Variants in TPTE2 observed in about 807,000 individuals in gnomAD.
The protein encoded by TPTE2 is phosphatidylinositol 3,4,5-trisphosphate 3-phosphatase TPTE2.
Under a neutral mutation model 78.6 loss-of-function variants are expected in TPTE2, and 53 were observed. That is an observed-to-expected ratio of 0.67 (90% CI 0.54 to 0.85). The LOEUF is 0.85. TPTE2 is among the 40% of genes least tolerant of loss of function. The pLI is 0.00. For synonymous variants in TPTE2, 175 were observed against 206.2 expected (o/e 0.85, Z 1.30); for missense variants, 461 against 623.0 (o/e 0.74, Z 2.77).
chr13:19,535,696 A>C lies in TPTE2; in HGVS notation c.-44+900T>G. 6.6e-6 allele frequency among the ~76,000 whole-genome samples: 1 copy of C among 151,550 alleles called. No homozygotes were observed. The highest frequency in any genetic ancestry group is 2.4e-5 in the African/African-American group (1 of 41,182). ...CACCAGGCTGGAGTGCAATGGTGTGACCTCAGCTCACTGCAACTTCCACCT... is the reference window on the plus strand; with the variant it reads ...CACCAGGCTGGAGTGCAATGGTGTGCCCTCAGCTCACTGCAACTTCCACCT... On this transcript the variant is annotated intron_variant, in intron 1 of 17. Transcript: ENST00000390680. The surrounding 1 kb of genome is among the most constrained non-coding windows in gnomAD (Gnocchi z 5.1).
intron 3 of TPTE2, among the ~76,000 whole-genome samples, chr13:19,483,624 T>C (rs1315600433): frequency 6.6e-6 from 1 of 152,192 alleles, no homozygotes; most frequent in African/African-American, 2.4e-5. Context: ...TTGCCTCAAA[T>C]CTGTTTATTT....
intron 5 of TPTE2, among the ~76,000 whole-genome samples, chr13:19,475,340 C>T (rs1210584366): frequency 2.6e-5 from 4 of 152,026 alleles, no homozygotes; most frequent in Non-Finnish European, 5.9e-5. Context: ...ATTCTTCTGC[C>T]TCAGCCTCCT....
chr13:19,461,226 C>T (rs1878866647), intron 10 of TPTE2, among the ~76,000 whole-genome samples: 1 of 152,236 alleles, frequency 6.6e-6, no homozygotes, highest in South Asian at 2.1e-4. Context: ...TGGGGCCATT[C>T]AGCCAAGTCA....
intron 3 of TPTE2, among the ~76,000 whole-genome samples, chr13:19,491,877 C>T (rs1881011568): frequency 6.6e-6 from 1 of 152,034 alleles, no homozygotes; most frequent in Non-Finnish European, 1.5e-5. Context: ...CGTCCAACGT[C>T]CTATAAAATA....
At chr13:19,476,497 A>T (rs1879947715) in intron 4 of TPTE2, among the ~76,000 whole-genome samples, 2 of 152,130 alleles carry the variant, frequency 1.3e-5, no homozygotes, top group Non-Finnish European at 2.9e-5. Context: ...TGTGCCTAAG[A>T]CTGGAGAACA....
chr13:19,427,608 AG>A, intron 17 of TPTE2, among the ~76,000 whole-genome samples: 2 of 152,348 alleles, frequency 1.3e-5, no homozygotes, highest in Middle Eastern at 3.4e-3. Context: ...AAATAACAAC[AG>A]GGGTCTGTAA....
intron 1 of TPTE2, among the ~76,000 whole-genome samples, chr13:19,524,432 C>G (rs992985508): frequency 1.1e-4 from 16 of 152,096 alleles, no homozygotes; most frequent in Non-Finnish European, 2.1e-4. Context: ...CAGAACCAAG[C>G]AGAAACCAGG....
At chr13:19,532,677 T>C (rs1282420120) in intron 1 of TPTE2, among the ~76,000 whole-genome samples, 1 of 152,244 alleles carries the variant, frequency 6.6e-6, no homozygotes, top group African/African-American at 2.4e-5. Flanking sequence ...TCTGTAGCAA[T>C]GAATCTGTAG....
chr13:19,443,766 A>ACCCACC (rs1358485062), intron 13 of TPTE2, among the ~76,000 whole-genome samples: 1 of 127,456 alleles, frequency 7.8e-6, no homozygotes, highest in African/African-American at 3.3e-5. Context: ...ACACACACAC[A>ACCCACC]CACACACACA....
At chr13:19,545,200 G>A in the TPTE2 span, among the ~76,000 whole-genome samples, 12 of 152,122 alleles carry the variant, frequency 7.9e-5, no homozygotes, top group African/African-American at 2.9e-4. Context: ...AAAACTCTCT[G>A]TAAAAGGGGA....
Position 19,463,169 on chromosome 13 carries a change from A to G in TPTE2, c.741+1287T>C, listed in dbSNP as rs79869221. Among the ~76,000 whole-genome samples the G allele has an allele frequency of 1.3e-3, 202 of 151,428 alleles. 3 individuals carry two copies. The East Asian group carries it at 0.037, about 27-fold the overall frequency. ...CAACTAATTTTTGTATTTTTTAGAG[A>G]CAGGATTTTGCCATGTTCATCAGGC... On this transcript the variant is annotated intron_variant, in intron 10 of 19. Coordinates refer to ENST00000400230, the Ensembl canonical transcript of TPTE2.
At chr13:19,480,323 G>T (rs564293873) in intron 4 of TPTE2, among the ~76,000 whole-genome samples, 125 of 152,282 alleles carry the variant, frequency 8.2e-4, no homozygotes, top group Middle Eastern at 3.4e-3. Flanking sequence ...ACATTTTCAT[G>T]CTGAGAAAAC....
upstream of TPTE2, among the ~76,000 whole-genome samples, chr13:19,506,316 C>T (rs1379873508): frequency 8.1e-5 from 12 of 148,946 alleles, no homozygotes; most frequent in East Asian, 7.9e-4. Context: ...GGACTACAGG[C>T]GCCCGCCACT....
intron 1 of TPTE2, among the ~76,000 whole-genome samples, chr13:19,521,766 T>C (rs78371437): frequency 0.025 from 3,861 of 152,242 alleles, 127 homozygotes; most frequent in African/African-American, 0.074. Flanking sequence ...CTTTTTCCTA[T>C]GTAGCTCCAT....
At chr13:19,424,284 C>T (rs112689535) in intron 19 of TPTE2, among the ~76,000 whole-genome samples, 4 of 152,278 alleles carry the variant, frequency 2.6e-5, no homozygotes, top group Non-Finnish European at 4.4e-5. Flanking sequence ...AAAACAAATG[C>T]TACTTATAGT....
rs1246137062 is a variant in TPTE2, at chr13:19,486,631, T to A, written c.120-4084A>T. 6.6e-6 allele frequency among the ~76,000 whole-genome samples: 1 copy of A among 152,148 alleles called. No homozygotes were observed. The highest frequency in any genetic ancestry group is 1.5e-5 in the Non-Finnish European group (1 of 68,036). The stretch of plus-strand genomic sequence containing the variant: ...CTGTTTCCCCTACCTGGTATGTGGG[T>A]ACACAGCTGCTCATCTGGCCTGCAG... On this transcript the variant is annotated intron_variant, in intron 3 of 19. Transcript: ENST00000400230. The surrounding 1 kb of genome is among the most constrained non-coding windows in gnomAD (Gnocchi z 4.3).
At chr13:19,443,791 A>G (rs190048112) in intron 13 of TPTE2, among the ~76,000 whole-genome samples, 1 of 149,554 alleles carries the variant, frequency 6.7e-6, no homozygotes, top group Non-Finnish European at 1.5e-5. Flanking sequence ...GTCGTTAAGC[A>G]ATTGGAGAGA....
chr13:19,536,899 T>A (rs996983409), upstream of TPTE2: 2 of 151,036 alleles, frequency 1.3e-5, no homozygotes, highest in South Asian at 4.1e-4. Context: ...ATTATTTATA[T>A]ATTCATGAAT....
chr13:19,511,852 C>A (rs1397776314), intron 1 of TPTE2, among the ~76,000 whole-genome samples: 3 of 150,990 alleles, frequency 2.0e-5, no homozygotes, highest in Admixed American at 1.3e-4. Context: ...AGAAAAACCA[C>A]TTTTTTTAAA....
Sources: gnomAD v4.1 joint callset for allele counts (sites outside exome capture counted in the v4.1 genomes callset) on GRCh38, gnomAD v4.1.1 for gene constraint, Gnocchi (gnomAD v3.1) non-coding constraint, MANE v1.5 for transcripts, NCBI Gene and HGNC (gene_info 2026-07-23, HGNC 2026-07-21) for gene names.